The following SKP2 variants were observed in gnomAD, a reference collection of about 807,000 sequenced individuals.
SKP2 encodes the protein S-phase kinase-associated protein 2.
In SKP2, 16 loss-of-function variants were observed where a neutral mutation model predicts 51.8. The ratio of observed to expected loss-of-function variants is 0.31; its 90% CI spans 0.21 to 0.47. The LOEUF (loss-of-function observed/expected upper bound fraction) is 0.47, where lower values mean the gene tolerates loss of function less well. SKP2 is among the 20% of genes least tolerant of loss of function. SKP2 has a pLI of 1.00. For synonymous variants in SKP2, 176 were observed against 198.6 expected (o/e 0.89, Z 0.96); for missense variants, 377 against 505.3 (o/e 0.75, Z 2.43).
chr5:36,177,636 CTT>C (rs201383999), intron 9 of SKP2, among the ~76,000 whole-genome samples: 2 of 143,258 alleles, frequency 1.4e-5, no homozygotes, highest in Non-Finnish European at 1.5e-5. Flanking sequence ...GGGTTAGTGT[CTT>C]TTTTTTTTTT....
At chr5:36,153,691 G>A (rs900914132) in intron 2 of SKP2, among the ~76,000 whole-genome samples, 1 of 152,142 alleles carries the variant, frequency 6.6e-6, no homozygotes, top group Non-Finnish European at 1.5e-5. Context: ...TCTCTTGCCT[G>A]AACTATTGGA....
downstream of SKP2, among the ~76,000 whole-genome samples, chr5:36,187,363 G>A (rs1745965658): frequency 6.6e-6 from 1 of 152,074 alleles, no homozygotes; most frequent in Admixed American, 6.5e-5. Flanking sequence ...GCTTTCTCTT[G>A]TGGGCATTTA....
intron 9 of SKP2, among the ~76,000 whole-genome samples, chr5:36,178,606 A>C (rs1362226995): frequency 6.6e-6 from 1 of 151,506 alleles, no homozygotes; most frequent in Admixed American, 6.6e-5. Flanking sequence ...AGCATCCAGA[A>C]CTCCTAGGAG....
intron 2 of SKP2, among the ~76,000 whole-genome samples, chr5:36,157,227 C>G (rs953307771): frequency 3.9e-5 from 6 of 152,110 alleles, no homozygotes; most frequent in African/African-American, 1.4e-4. Context: ...TCTCAAGCAC[C>G]GTTTTAGAGG....
At position 36,184,113 on chromosome 5, in the gene SKP2, T is replaced by G. The variant is rs144727330; in HGVS notation, c.*2082T>G. Reference sequence around the variant, plus strand: ...TAAAATTTGAAAGCATTTAGTGTGGTATGCCATTTGGCTTAGATACCTCTA... The same window carrying G: ...TAAAATTTGAAAGCATTTAGTGTGGGATGCCATTTGGCTTAGATACCTCTA... On this transcript the variant is annotated 3_prime_UTR_variant, in exon 10 of 10. Transcript: ENST00000274255. The G allele has an allele frequency of 7.5e-6, 5 of 667,494 alleles. No homozygotes were observed. The East Asian group carries it at 1.4e-4, about 19-fold the overall frequency. 41.3% of individuals were successfully genotyped at this position (667,494 alleles called of 1,614,324 possible).
At chr5:36,159,316 G>A (rs1745051358) in intron 2 of SKP2, among the ~76,000 whole-genome samples, 1 of 152,176 alleles carries the variant, frequency 6.6e-6, no homozygotes, top group African/African-American at 2.4e-5. Flanking sequence ...TTACCTGGCT[G>A]CTACTGCTCT....
At chr5:36,193,493 AAAG>A (rs1273464676) in intron 7 of SKP2, 131 of 151,418 alleles carry the variant, frequency 8.7e-4, no homozygotes, top group African/African-American at 2.9e-3. Flanking sequence ...AAAAAAAAAA[AAAG>A]AAGGTATTTT....
intron 2 of SKP2, among the ~76,000 whole-genome samples, chr5:36,161,142 T>C (rs1004434293): frequency 7.9e-5 from 12 of 152,230 alleles, no homozygotes; most frequent in African/African-American, 2.9e-4. Flanking sequence ...TCTCTCAAAC[T>C]CTGAGCAGAA....
At position 36,181,952 on chromosome 5, in the gene SKP2, C is replaced by G; in HGVS notation, c.1196C>G (p.Pro399Arg). The stretch of plus-strand genomic sequence containing the variant: ...TCCCATTTCACCACCATTGCCAGGC[C>G]AACTATTGGCAACAAAAAGAACCAG... ...NCSHFTTIARPTIGNKKNQEI... is the reference protein window; with the variant it reads ...NCSHFTTIARRTIGNKKNQEI... The change falls in exon 10 of 10, where the codon CCA becomes CGA. Residue 399 changes from proline to arginine, a missense_variant. Pro to Arg is a moderately radical substitution (Grantham distance 103, BLOSUM62 -2). This residue lies in a region of SKP2 where 262 missense variants were observed against 389.8 expected (regional missense o/e 0.67). Transcript: ENST00000274255. 6.2e-7 allele frequency: 1 copy of G among 1,614,060 alleles called. No individual in the cohort carries two copies. Among genetic ancestry groups the G allele is most frequent in the Non-Finnish European group, 8.5e-7 (1 of 1,179,974 alleles).
At chr5:36,164,152 C>T (rs1394207286) in intron 3 of SKP2, among the ~76,000 whole-genome samples, 1 of 152,180 alleles carries the variant, frequency 6.6e-6, no homozygotes, top group African/African-American at 2.4e-5. Flanking sequence ...AGTGCACACC[C>T]AGCCTCTGCT....
At chr5:36,191,683 G>C (rs1579585691) in intron 6 of SKP2, among the ~76,000 whole-genome samples, 1 of 152,112 alleles carries the variant, frequency 6.6e-6, no homozygotes, top group East Asian at 1.9e-4. Flanking sequence ...AGAAGATGCA[G>C]AGCCTATGAG....
intron 2 of SKP2, among the ~76,000 whole-genome samples, chr5:36,159,883 T>G (rs1158330120): frequency 6.6e-6 from 1 of 152,192 alleles, no homozygotes; most frequent in Non-Finnish European, 1.5e-5. Flanking sequence ...TGGTAAGTCA[T>G]ACCATGCAGA....
At chr5:36,153,213 GATATATATAT>G (rs3038049) in intron 2 of SKP2, among the ~76,000 whole-genome samples, 171 bp downstream of exon 2, 16,516 of 147,382 alleles carry the variant, frequency 0.11, 1,106 homozygotes, top group Non-Finnish European at 0.16. Flanking sequence ...AATCTTGGTA[GATATATATAT>G]ATATATATAT....
At chr5:36,161,632 A>G (rs1745124471) in intron 2 of SKP2, among the ~76,000 whole-genome samples, 1 of 152,200 alleles carries the variant, frequency 6.6e-6, no homozygotes, top group South Asian at 2.1e-4. Context: ...TGTGGACTTT[A>G]GCCTAAATAC....
intron 4 of SKP2, among the ~76,000 whole-genome samples, 193 bp downstream of exon 4, chr5:36,166,855 TC>T (rs1745305920): frequency 6.6e-6 from 1 of 152,086 alleles, no homozygotes; most frequent in African/African-American, 2.4e-5. Flanking sequence ...ATGACACTGT[TC>T]CCATTTCACT....
rs1745436831 is a variant in SKP2, at chr5:36,170,521, G to A, written c.770+79G>A. On this transcript the variant is annotated intron_variant, in intron 6 of 9. Transcript: ENST00000274255. ...CCCTCACATCTGTATAAAATGGGAT[G>A]AACTTTTTGAGCTTTTTGTACTTTC... 10 of 846,922 alleles carry A rather than the reference G, an allele frequency of 1.2e-5. No homozygotes were observed. The South Asian group carries it at 1.8e-4, about 15-fold the overall frequency. The allele number at this position is 846,922 out of a possible 1,614,324, so 52.5% of individuals were successfully genotyped here.
At chr5:36,181,398 T>C (rs1458366110) in intron 9 of SKP2, among the ~76,000 whole-genome samples, 1 of 152,204 alleles carries the variant, frequency 6.6e-6, no homozygotes, top group Admixed American at 6.5e-5. Context: ...GTTCATATCC[T>C]TAATTTGCAT....
intron 2 of SKP2, among the ~76,000 whole-genome samples, chr5:36,153,480 G>A (rs1204480556): frequency 1.3e-5 from 2 of 151,970 alleles, no homozygotes; most frequent in African/African-American, 4.8e-5. Flanking sequence ...CACCTAAGTG[G>A]GGGAGACATC....
rs27733 is a variant in SKP2 at position 36,182,658 on chromosome 5, A to G, written c.*627A>G. ...AGACCAAACATTACAAAACCCAGAG[A>G]TATAGAATCAATATAGGATTTGAAG... On this transcript the variant is annotated 3_prime_UTR_variant, in exon 10 of 10. Transcript: ENST00000274255. 951,816 of 978,060 alleles carry G rather than the reference A, an allele frequency of 0.97. 464,199 individuals carry two copies. The highest frequency in any genetic ancestry group is 0.99 in the Non-Finnish European group (812,976 of 823,368). 60.6% of individuals were successfully genotyped at this position (978,060 alleles called of 1,614,324 possible). A position where few individuals can be genotyped will look rare whatever the true frequency, so the allele number is the denominator to read the frequency against.
Sources: allele counts gnomAD v4.1 joint callset (sites outside exome capture counted in the v4.1 genomes callset), GRCh38; gene constraint gnomAD v4.1.1; regional missense constraint gnomAD v4.1.1; transcripts MANE v1.5; gene names NCBI Gene and HGNC (gene_info 2026-07-23, HGNC 2026-07-21).